PKHD1L1: variants seen among roughly 807,000 people sequenced by gnomAD.
PKHD1L1 encodes PKHD1 like 1, also known as fibrocystin-L.
In PKHD1L1, 434 loss-of-function variants were observed where a neutral mutation model predicts 462.9. The ratio of observed to expected loss-of-function variants is 0.94; its 90% confidence interval spans 0.87 to 1.02. The LOEUF (loss-of-function observed/expected upper bound fraction) is 1.02. Ranked by LOEUF, PKHD1L1 falls within the 50% of genes least tolerant of loss-of-function variation. The pLI, the probability that PKHD1L1 is intolerant of heterozygous loss-of-function variation, is 0.00. For missense variants in PKHD1L1, 5,202 were observed against 5,096.1 expected (o/e 1.02, Z -0.63); for synonymous variants, 1,781 against 1,750.0 (o/e 1.02, Z -0.44).
rs7011803 is a variant in PKHD1L1, at chr8:109,536,219, G to A, written c.*6129G>A. 0.83 allele frequency among the ~76,000 whole-genome samples: 125,695 copies of A among 152,204 alleles called. 52,229 individuals carry two copies. Among genetic ancestry groups the A allele is most frequent in the Middle Eastern group, 0.95 (277 of 292 alleles). The stretch of plus-strand genomic sequence containing the variant: ...AAGGTTTCACCGATTTTATTGCTGT[G>A]TTTCCAACACATTTCCACATATGGT... On this transcript the variant is annotated 3_prime_UTR_variant, in exon 78 of 78. Transcript: ENST00000378402.
At chr8:109,421,570 C>A (rs1814468433) in intron 23 of PKHD1L1, among the ~76,000 whole-genome samples, 1 of 152,062 alleles carries the variant, frequency 6.6e-6, no homozygotes, top group African/African-American at 2.4e-5. Context: ...ATCATGAGGT[C>A]AGAAGATCGA....
Position 109,445,264 on chromosome 8 carries a change from A to G in PKHD1L1, c.5395A>G (p.Thr1799Ala), listed in dbSNP as rs1451180497. Residue 1799 changes from threonine (T) to alanine (A), a missense_variant, in exon 38 of 78, where the codon ACT becomes GCT. Transcript: ENST00000378402. ...RAIEVNENNI[T>A]ALVTPLPVGH... ...AATAGAGGTTAATGAAAACAACATC[A>G]CTGCTCTTGTGACTCCTCTCCCAGT... is the stretch of plus-strand genomic sequence containing the variant. 1.2e-6 allele frequency: 2 copies of G among 1,613,994 alleles called. No individual in the cohort carries two copies. The highest frequency in any genetic ancestry group is 1.7e-6 in the Non-Finnish European group (2 of 1,179,880).
At chr8:109,514,348 T>C (rs1055006436) in intron 71 of PKHD1L1, among the ~76,000 whole-genome samples, 6 of 152,218 alleles carry the variant, frequency 3.9e-5, no homozygotes, top group African/African-American at 1.2e-4. Flanking sequence ...ACATGTTTCC[T>C]ACTTTACCTT....
intron 70 of PKHD1L1, among the ~76,000 whole-genome samples, chr8:109,510,472 T>C (rs1156456192): frequency 6.6e-6 from 1 of 152,100 alleles, no homozygotes; most frequent in Non-Finnish European, 1.5e-5. Context: ...TATATGGAAA[T>C]CTACTATTTC....
In PKHD1L1 at chr8:109,536,187, T is replaced by C. The variant is rs1821143963; in HGVS notation, c.*6097T>C. 1.3e-5 allele frequency among the ~76,000 whole-genome samples: 2 copies of C among 152,208 alleles called. No homozygotes were observed. Among genetic ancestry groups the C allele is most frequent in the Admixed American group, 1.3e-4 (2 of 15,284 alleles). Reference sequence around the variant, plus strand: ...TGATCTTGAAGATAACAAATCTGCCTGCTTCAAAGGTTTCACCGATTTTAT... The same window carrying C: ...TGATCTTGAAGATAACAAATCTGCCCGCTTCAAAGGTTTCACCGATTTTAT... On this transcript the variant is annotated 3_prime_UTR_variant, in exon 78 of 78. Coordinates refer to ENST00000378402, the MANE Select transcript of PKHD1L1 (RefSeq NM_177531.6).
chr8:109,472,665 A>G (rs908862255), intron 50 of PKHD1L1, among the ~76,000 whole-genome samples: 1 of 152,184 alleles, frequency 6.6e-6, no homozygotes, highest in African/African-American at 2.4e-5. Context: ...TACTCAGACC[A>G]CATTGCAAAT....
chr8:109,419,046 G>A, intron 21 of PKHD1L1, 51 bp from the exon 22 acceptor site: 1 of 1,446,030 alleles, frequency 6.9e-7, no homozygotes, highest in South Asian at 1.4e-5. Flanking sequence ...AAGTGTATTT[G>A]CTTAAACATT....
intron 23 of PKHD1L1, among the ~76,000 whole-genome samples, chr8:109,424,613 T>G (rs1814643134): frequency 6.6e-6 from 1 of 152,242 alleles, no homozygotes; most frequent in Non-Finnish European, 1.5e-5. Context: ...AAGTATTTTT[T>G]TTTTTAGCCT....
chr8:109,397,242 T>G (rs889695040), intron 11 of PKHD1L1, among the ~76,000 whole-genome samples: 1 of 152,236 alleles, frequency 6.6e-6, no homozygotes, highest in Non-Finnish European at 1.5e-5. Flanking sequence ...GATTCAAGAT[T>G]TTGAATCCTC....
chr8:109,474,660 A>T (rs2130865277), intron 50 of PKHD1L1, among the ~76,000 whole-genome samples: 1 of 152,248 alleles, frequency 6.6e-6, no homozygotes, highest in Middle Eastern at 3.4e-3. Context: ...ATCAGAGCTT[A>T]TGTTTTTATA....
intron 50 of PKHD1L1, among the ~76,000 whole-genome samples, 195 bp from the exon 51 acceptor site, chr8:109,474,923 C>T (rs144975136): frequency 2.0e-5 from 3 of 152,168 alleles, no homozygotes; most frequent in East Asian, 3.9e-4. Context: ...TTCAGTCAAA[C>T]GAAGACATTT....
Position 109,441,277 on chromosome 8 carries a change from T to A in PKHD1L1, c.4102T>A (p.Ser1368Thr). The stretch of plus-strand genomic sequence containing the variant: ...TATGCAGTATTTATTCTTTCTAGGG[T>A]CCATCCCTTGCAATGTTACATCATC... ...IPAENTVLLG[S>T]IPCNVTSSSE... The change falls in exon 34 of 78, where the codon TCC (serine) becomes ACC (threonine). Residue 1368 changes from serine (S) to threonine (T), a missense_variant and splice_region_variant. Coordinates refer to ENST00000378402, the MANE Select transcript of PKHD1L1 (RefSeq NM_177531.6). 1 of 1,556,886 alleles carries A rather than the reference T, an allele frequency of 6.4e-7. No homozygotes were observed. The highest frequency in any genetic ancestry group is 8.7e-7 in the Non-Finnish European group (1 of 1,143,950).
intron 32 of PKHD1L1, 105 bp downstream of exon 32, chr8:109,439,197 C>A: frequency 1.0e-6 from 1 of 1,000,966 alleles, no homozygotes; most frequent in South Asian, 1.7e-5. Flanking sequence ...TAATTGTTCT[C>A]TTTACCTTCC....
intron 2 of PKHD1L1, among the ~76,000 whole-genome samples, chr8:109,374,458 TG>T (rs1811697284): frequency 6.6e-6 from 1 of 152,250 alleles, no homozygotes. Context: ...TTATCCAATT[TG>T]CCAGTCTGTG....
intron 14 of PKHD1L1, among the ~76,000 whole-genome samples, chr8:109,402,271 T>C (rs747703149): frequency 9.2e-5 from 14 of 152,196 alleles, no homozygotes; most frequent in Non-Finnish European, 1.5e-4. Flanking sequence ...GACTTTACTA[T>C]ATAACAAAGC....
chr8:109,363,414 C>T (rs1043825740), intron 1 of PKHD1L1, among the ~76,000 whole-genome samples: 2 of 152,184 alleles, frequency 1.3e-5, no homozygotes, highest in African/African-American at 4.8e-5. Context: ...AGAGCTTTTG[C>T]TACTATAGGT....
chr8:109,490,112 T>C, intron 60 of PKHD1L1, 57 bp downstream of exon 60: 1 of 1,055,082 alleles, frequency 9.5e-7, no homozygotes, highest in Non-Finnish European at 1.4e-6. Flanking sequence ...TATTTTTATT[T>C]TCATTTGACT....
chr8:109,425,998 T>C (rs1385622392), intron 24 of PKHD1L1, among the ~76,000 whole-genome samples: 6 of 152,178 alleles, frequency 3.9e-5, no homozygotes, highest in Non-Finnish European at 7.4e-5. Context: ...ACGGGACTAA[T>C]CTAGACAACT....
In PKHD1L1 at chr8:109,429,940, C is replaced by T; in HGVS notation, c.3132C>T (p.Val1044=). The change falls in exon 27 of 78, where the codon GTC becomes GTT. Residue 1044 remains valine, a synonymous_variant. Transcript: ENST00000378402. Reference sequence around the variant, plus strand: ...TGTTTCTTTACTTGAAGGTTGAAGTCTATGTCAATGGAATTCCAGCTAAAT... The same window carrying T: ...TGTTTCTTTACTTGAAGGTTGAAGTTTATGTCAATGGAATTCCAGCTAAAT... ...RTPSQQPQVE[V]YVNGIPAKCS... is the part of the protein sequence containing the mutation. The T allele has an allele frequency of 6.2e-7, 1 of 1,610,440 alleles. No individual in the cohort carries two copies. Among genetic ancestry groups the T allele is most frequent in the Non-Finnish European group, 8.5e-7 (1 of 1,177,430 alleles).
Sources: gnomAD v4.1 joint callset for allele counts (sites outside exome capture counted in the v4.1 genomes callset) on GRCh38, gnomAD v4.1.1 for gene constraint, MANE v1.5 for transcripts, NCBI Gene and HGNC (gene_info 2026-07-23, HGNC 2026-07-21) for gene names.